HTR1F: variants seen among roughly 807,000 people sequenced by gnomAD.
HTR1F encodes the protein 5-hydroxytryptamine (serotonin) receptor 1F, G protein-coupled.
In HTR1F, 17 loss-of-function variants were observed where a neutral mutation model predicts 24.0. That is an observed-to-expected ratio of 0.71 (90% confidence interval 0.48 to 1.06). The LOEUF (loss-of-function observed/expected upper bound fraction) is 1.06, where lower values mean the gene tolerates loss of function less well. HTR1F is among the 50% of genes least tolerant of loss of function. HTR1F has a pLI of 0.00. For missense variants in HTR1F, 391 were observed against 427.8 expected, an observed-to-expected ratio of 0.91 and a Z score of 0.76; for synonymous variants, 186 against 156.8, an observed-to-expected ratio of 1.19 and a Z score of -1.39.
At chr3:87,847,062 G>C (rs1262896227) in intron 2 of HTR1F, among the ~76,000 whole-genome samples, 5 of 150,226 alleles carry the variant, frequency 3.3e-5, no homozygotes, top group Admixed American at 3.3e-4. Context: ...TACAAAATGG[G>C]GAAAATAAAA....
intron 1 of HTR1F, among the ~76,000 whole-genome samples, chr3:87,808,223 T>C (rs1264788236): frequency 6.6e-6 from 1 of 151,918 alleles, no homozygotes; most frequent in East Asian, 1.9e-4. Context: ...TTTGATAGAA[T>C]TTGGCAGTGA....
intron 2 of HTR1F, among the ~76,000 whole-genome samples, chr3:87,937,215 A>C (rs1704446317): frequency 6.6e-6 from 1 of 152,174 alleles, no homozygotes; most frequent in Non-Finnish European, 1.5e-5. Context: ...GTAAACATTG[A>C]TGCAAAAATC....
intron 2 of HTR1F, among the ~76,000 whole-genome samples, chr3:87,860,061 C>T (rs866148637): frequency 2.6e-5 from 4 of 152,142 alleles, no homozygotes; most frequent in African/African-American, 9.7e-5. Flanking sequence ...AAAGTATACA[C>T]CTTGGCATTG....
At chr3:87,953,216 A>G (rs761325783) in intron 2 of HTR1F, among the ~76,000 whole-genome samples, 6 of 151,800 alleles carry the variant, frequency 4.0e-5, no homozygotes, top group Non-Finnish European at 7.4e-5. Flanking sequence ...GGTATATTAA[A>G]CTAAAAAGTT....
At chr3:87,952,483 G>A (rs1704854751) in intron 2 of HTR1F, among the ~76,000 whole-genome samples, 2 of 151,918 alleles carry the variant, frequency 1.3e-5, no homozygotes, top group South Asian at 4.1e-4. Context: ...ATTAAAAATA[G>A]TGTCTTCCTC....
intron 2 of HTR1F, among the ~76,000 whole-genome samples, chr3:87,872,396 C>T (rs1189045149): frequency 6.6e-6 from 1 of 151,874 alleles, no homozygotes; most frequent in Non-Finnish European, 1.5e-5. Context: ...ACTAAACTCA[C>T]AGTTAACTGA....
At chr3:87,967,385 G>A (rs1705188435) in intron 2 of HTR1F, among the ~76,000 whole-genome samples, 1 of 152,026 alleles carries the variant, frequency 6.6e-6, no homozygotes. Context: ...AGGAGGCGGA[G>A]GTTACAATGA....
At chr3:87,969,152 G>T (rs1338953927) in intron 2 of HTR1F, among the ~76,000 whole-genome samples, 3 of 152,242 alleles carry the variant, frequency 2.0e-5, no homozygotes, top group Non-Finnish European at 4.4e-5. Context: ...ACCTCTGCTA[G>T]GGCAGTGTGG....
At chr3:87,886,226 C>A (rs1316033428) in intron 2 of HTR1F, among the ~76,000 whole-genome samples, 1 of 152,076 alleles carries the variant, frequency 6.6e-6, no homozygotes, top group Non-Finnish European at 1.5e-5. Context: ...ATAAACAGAA[C>A]CAAGGACAAA....
Position 87,985,286 on chromosome 3 carries a change from A to G in HTR1F, c.-42-5422A>G, listed in dbSNP as rs1250744509. ...GGAGGCAGAGGTTGCGGTGAGCCAG[A>G]GATCACGCCATTGTATTCCAGCCTG... On this transcript the variant is annotated intron_variant, in intron 2 of 2. Transcript: ENST00000319595. 3.9e-5 allele frequency among the ~76,000 whole-genome samples: 6 copies of G among 152,154 alleles called. No homozygotes were observed. In the South Asian group the frequency reaches 1.2e-3, roughly 32 times the overall value.
At chr3:87,928,416 C>T (rs1192651412) in intron 2 of HTR1F, among the ~76,000 whole-genome samples, 5 of 152,108 alleles carry the variant, frequency 3.3e-5, no homozygotes, top group Non-Finnish European at 7.4e-5. Context: ...TTGGACAGCT[C>T]TAGCATTTCT....
chr3:87,928,629 A>G (rs6789843), intron 2 of HTR1F, among the ~76,000 whole-genome samples: 1,831 of 152,242 alleles, frequency 0.012, 34 homozygotes, highest in African/African-American at 0.041. Context: ...ATTACTATCA[A>G]TGCTGAAATG....
At position 87,899,453 on chromosome 3, in the gene HTR1F, G is replaced by A. The variant is rs553108268; in HGVS notation, c.-43+77329G>A. ...ACCAGCTAAATACCTTTTAATTTAC[G>A]TAGAAGTTACTTTTATATGTTTATA... On this transcript the variant is annotated intron_variant, in intron 2 of 2. Coordinates refer to ENST00000319595, the MANE Select transcript of HTR1F (RefSeq NM_001322209.2). Among the ~76,000 whole-genome samples the A allele has an allele frequency of 4.6e-4, 70 of 152,120 alleles. 1 individual carries two copies. In the South Asian group the frequency reaches 0.014, roughly 30 times the overall value.
At chr3:87,983,037 T>A (rs1705585955) in intron 2 of HTR1F, among the ~76,000 whole-genome samples, 1 of 152,052 alleles carries the variant, frequency 6.6e-6, no homozygotes, top group South Asian at 2.1e-4. Flanking sequence ...GCTTATGAAA[T>A]GGATGGAAGT....
chr3:87,819,607 T>A (rs1704315644), intron 1 of HTR1F, among the ~76,000 whole-genome samples: 1 of 152,124 alleles, frequency 6.6e-6, no homozygotes, highest in South Asian at 2.1e-4. Context: ...TTCACATTCA[T>A]ACATATGCTG....
chr3:87,946,278 C>T (rs1016071967), intron 2 of HTR1F, among the ~76,000 whole-genome samples: 14 of 152,058 alleles, frequency 9.2e-5, no homozygotes, highest in African/African-American at 2.9e-4. Context: ...AAGCTCAGCT[C>T]GAACCATAAC....
chr3:87,972,514 T>C (rs151320783), intron 2 of HTR1F, among the ~76,000 whole-genome samples: 150 of 152,322 alleles, frequency 9.8e-4, no homozygotes, highest in African/African-American at 3.5e-3. Flanking sequence ...TAAATTACAT[T>C]TCAATCCAGA....
chr3:87,808,756 C>T (rs1294767830), intron 1 of HTR1F, among the ~76,000 whole-genome samples: 1 of 151,710 alleles, frequency 6.6e-6, no homozygotes, highest in Non-Finnish European at 1.5e-5. Flanking sequence ...ATTCTATCAG[C>T]TTTGTTCTTA....
chr3:87,961,145 C>T (rs966713770), intron 2 of HTR1F, among the ~76,000 whole-genome samples: 2 of 151,926 alleles, frequency 1.3e-5, no homozygotes, highest in African/African-American at 4.8e-5. Context: ...AGTTGAGATG[C>T]CTTTTTACCC....
Sources: allele counts gnomAD v4.1 joint callset (sites outside exome capture counted in the v4.1 genomes callset), GRCh38; gene constraint gnomAD v4.1.1; transcripts MANE v1.5; gene names NCBI Gene and HGNC (gene_info 2026-07-23, HGNC 2026-07-21).